ANXA2: variants seen among roughly 807,000 people sequenced by gnomAD.
The protein encoded by ANXA2 is annexin A2, also known as annexin II.
Under a neutral mutation model 47.3 loss-of-function variants are expected in ANXA2, and 28 were observed. The ratio of observed to expected loss-of-function variants is 0.59; its 90% CI spans 0.44 to 0.81. The LOEUF is 0.81. Ranked by LOEUF, ANXA2 falls within the 40% of genes least tolerant of loss-of-function variation. ANXA2 has a pLI of 0.00. For missense variants in ANXA2, 384 were observed against 414.3 expected (o/e 0.93, Z 0.64); for synonymous variants, 172 against 155.5 (o/e 1.11, Z -0.79).
rs78342777 is a variant in ANXA2 at position 60,358,521 on chromosome 15, C to T, written c.358-1285G>A. Among the ~76,000 whole-genome samples, 466 of 152,308 alleles carry T rather than the reference C, an allele frequency of 3.1e-3. 5 individuals carry two copies. Among genetic ancestry groups the T allele is most frequent in the African/African-American group, 0.011 (437 of 41,560 alleles). ...GTCAGCTATTAATTAAACTTATTAG[C>T]GTTTATATGCCCCGAAAAAGTAGTT... is the stretch of plus-strand genomic sequence containing the variant. On this transcript the variant is annotated intron_variant, in intron 5 of 12. Transcript: ENST00000451270.
At chr15:60,379,474 A>C (rs2140902284) in intron 3 of ANXA2, among the ~76,000 whole-genome samples, 1 of 145,368 alleles carries the variant, frequency 6.9e-6, no homozygotes, top group South Asian at 2.1e-4. Context: ...AATGAAAAAA[A>C]TCCAAGGCAA....
intron 3 of ANXA2, among the ~76,000 whole-genome samples, chr15:60,368,175 G>A (rs1048799325): frequency 1.7e-3 from 246 of 147,250 alleles, no homozygotes; most frequent in African/African-American, 5.8e-3. Context: ...CAAACACTGC[G>A]GGAGGCCGCA....
chr15:60,367,322 TC>T (rs2062637450), intron 3 of ANXA2, among the ~76,000 whole-genome samples: 1 of 110,818 alleles, frequency 9.0e-6, no homozygotes, highest in Non-Finnish European at 1.8e-5. Flanking sequence ...GAGGGGCGCC[TC>T]TGCCCGGCCG....
At chr15:60,356,178 A>T (rs1371505320) in intron 6 of ANXA2, among the ~76,000 whole-genome samples, 180 bp from the exon 7 acceptor site, 1 of 152,122 alleles carries the variant, frequency 6.6e-6, no homozygotes, top group African/African-American at 2.4e-5. Context: ...CCCTCATGAA[A>T]TCAGAGCCAG....
intron 11 of ANXA2, 130 bp from the exon 12 acceptor site, chr15:60,349,327 G>T: frequency 1.1e-6 from 1 of 914,290 alleles, no homozygotes; most frequent in Non-Finnish European, 1.6e-6. Context: ...CTTTTTCAGT[G>T]CCGACATGAT....
At chr15:60,371,919 A>T (rs2062715677) in intron 3 of ANXA2, among the ~76,000 whole-genome samples, 1 of 152,194 alleles carries the variant, frequency 6.6e-6, no homozygotes, top group African/African-American at 2.4e-5. Context: ...TGGGAGGCCA[A>T]GGTGGGCGGA....
At chr15:60,392,867 T>C (rs1015755378) in intron 1 of ANXA2, among the ~76,000 whole-genome samples, 7 of 151,052 alleles carry the variant, frequency 4.6e-5, no homozygotes, top group African/African-American at 1.7e-4. Flanking sequence ...GTGTGGAGAG[T>C]TGGGTTCTCC....
chr15:60,384,824 G>A (rs562362100), intron 2 of ANXA2: 5 of 152,358 alleles, frequency 3.3e-5, no homozygotes, highest in East Asian at 3.9e-4. Flanking sequence ...CCAAGTCACT[G>A]TCAACCCTCT....
intron 3 of ANXA2, among the ~76,000 whole-genome samples, chr15:60,376,161 T>C (rs1437961057): frequency 6.6e-6 from 1 of 152,052 alleles, no homozygotes; most frequent in Non-Finnish European, 1.5e-5. Flanking sequence ...GCGGATCACC[T>C]GAGGTCAGGA....
chr15:60,368,604 ACT>A (rs776523093), intron 3 of ANXA2, among the ~76,000 whole-genome samples: 2 of 151,882 alleles, frequency 1.3e-5, no homozygotes, highest in African/African-American at 4.8e-5. Flanking sequence ...TGCTCTGTAT[ACT>A]CTCATTTTTG....
At chr15:60,390,003 A>G (rs183542641) in intron 1 of ANXA2, among the ~76,000 whole-genome samples, 1 of 152,356 alleles carries the variant, frequency 6.6e-6, no homozygotes, top group African/African-American at 2.4e-5. Flanking sequence ...GGTACAATTC[A>G]AAGCAGTAGA....
chr15:60,381,151 T>C (rs1446762563), intron 3 of ANXA2, among the ~76,000 whole-genome samples: 1 of 152,210 alleles, frequency 6.6e-6, no homozygotes, highest in Non-Finnish European at 1.5e-5. Context: ...GACGTCATCC[T>C]AGTTATAGGT....
chr15:60,367,676 T>A (rs1213533137), intron 3 of ANXA2, among the ~76,000 whole-genome samples: 1 of 73,060 alleles, frequency 1.4e-5, no homozygotes, highest in Non-Finnish European at 2.6e-5. Context: ...AGCCGCCCCG[T>A]CCGGGAGGGT....
At chr15:60,382,570 G>C in intron 2 of ANXA2, 129 bp from the exon 3 acceptor site, 1 of 634,984 alleles carries the variant, frequency 1.6e-6, no homozygotes, top group Non-Finnish European at 2.7e-6. Context: ...AGGTAACTAG[G>C]TAGGTATTAA....
chr15:60,361,042 C>G lies in ANXA2; in HGVS notation c.256G>C (p.Ala86Pro). Residue 86 changes from alanine to proline, a missense_variant, in exon 5 of 13, where the codon GCA (alanine) becomes CCA (proline). Coordinates refer to ENST00000451270, the MANE Select transcript of ANXA2 (RefSeq NM_004039.3). ...QRRTKKELAS[A>P]LKSALSGHLE... ...TGGCCAGATAAGGCTGACTTCAGTG[C>G]TGATGCAAGTTCCTTCAAGATAACA... 6.2e-7 allele frequency: 1 copy of G among 1,610,868 alleles called. No individual in the cohort carries two copies. Among genetic ancestry groups the G allele is most frequent in the African/African-American group, 1.3e-5 (1 of 75,002 alleles).
chr15:60,366,827 G>A (rs2062620800), intron 3 of ANXA2, among the ~76,000 whole-genome samples: 1 of 50,138 alleles, frequency 2.0e-5, no homozygotes, highest in African/African-American at 8.0e-5. Context: ...TCGGCCAGCC[G>A]CCCCGTCCGG....
At chr15:60,371,169 C>A (rs2062705202) in intron 3 of ANXA2, among the ~76,000 whole-genome samples, 1 of 152,180 alleles carries the variant, frequency 6.6e-6, no homozygotes, top group Admixed American at 6.5e-5. Flanking sequence ...AAATAGCCAA[C>A]TAATCTAATT....
chr15:60,382,460 C>T lies in ANXA2; in HGVS notation c.49-19G>A. ...TAGAGTGCTGAGGTTAAAAGATAAACATACTCAAATGACACACATTTAAAA... is the reference window on the plus strand; with the variant it reads ...TAGAGTGCTGAGGTTAAAAGATAAATATACTCAAATGACACACATTTAAAA... On this transcript the variant is annotated intron_variant, in intron 2 of 12. Transcript: ENST00000451270. 6.5e-7 allele frequency: 1 copy of T among 1,531,888 alleles called. No individual in the cohort carries two copies. The highest frequency in any genetic ancestry group is 9.0e-7 in the Non-Finnish European group (1 of 1,107,240). The allele number at this position is 1,531,888 out of a possible 1,614,324, so 94.9% of individuals were successfully genotyped here. A position where few individuals can be genotyped will look rare whatever the true frequency, so the allele number is the denominator to read the frequency against.
intron 11 of ANXA2, among the ~76,000 whole-genome samples, chr15:60,349,547 T>C (rs1232874026): frequency 6.6e-6 from 1 of 152,104 alleles, no homozygotes; most frequent in Non-Finnish European, 1.5e-5. Context: ...ATCTGAGATA[T>C]AAAACATTCC....
Sources: gnomAD v4.1 joint callset for allele counts (sites outside exome capture counted in the v4.1 genomes callset) on GRCh38, gnomAD v4.1.1 for gene constraint, MANE v1.5 for transcripts, NCBI Gene and HGNC (gene_info 2026-07-23, HGNC 2026-07-21) for gene names.